The following EXT1 variants were observed in gnomAD, a reference collection of about 807,000 sequenced individuals.
The protein encoded by EXT1 is exostosin glycosyltransferase 1.
Under a neutral mutation model 82.5 loss-of-function variants are expected in EXT1, and 20 were observed. The ratio of observed to expected loss-of-function variants is 0.24; its 90% CI spans 0.17 to 0.35. The LOEUF is 0.35. Ranked by LOEUF, EXT1 falls within the 10% of genes least tolerant of loss-of-function variation. The pLI is 1.00. For synonymous variants in EXT1, 348 were observed against 350.8 expected, an observed-to-expected ratio of 0.99 and a Z score of 0.09; for missense variants, 757 against 936.5, an observed-to-expected ratio of 0.81 and a Z score of 2.50.
chr8:117,848,234 T>C (rs889793381), intron 1 of EXT1, among the ~76,000 whole-genome samples: 1 of 152,152 alleles, frequency 6.6e-6, no homozygotes, highest in African/African-American at 2.4e-5. Flanking sequence ...TGGGTTATGG[T>C]TGAAGATTTG....
At chr8:117,968,228 C>T (rs980965192) in intron 1 of EXT1, among the ~76,000 whole-genome samples, 2 of 152,074 alleles carry the variant, frequency 1.3e-5, no homozygotes, top group Non-Finnish European at 2.9e-5. Flanking sequence ...ACCCCAACCT[C>T]CCCAGTAGCT....
chr8:117,895,994 C>T (rs779758065), intron 1 of EXT1, among the ~76,000 whole-genome samples: 3 of 152,128 alleles, frequency 2.0e-5, no homozygotes, highest in African/African-American at 4.8e-5. Context: ...TACAGATAAA[C>T]GGGCACTTGG....
At chr8:117,869,190 G>A (rs1812827945) in intron 1 of EXT1, among the ~76,000 whole-genome samples, 1 of 152,176 alleles carries the variant, frequency 6.6e-6, no homozygotes, top group African/African-American at 2.4e-5. Flanking sequence ...CAGTGAGCCT[G>A]CCCAAGCCTG....
rs527598610 is a variant in EXT1, at chr8:118,025,254, C to T, written c.962+84831G>A. Among the ~76,000 whole-genome samples the T allele has an allele frequency of 4.6e-5, 7 of 152,308 alleles. 1 individual carries two copies. In the South Asian group the frequency reaches 1.5e-3, roughly 32 times the overall value. On this transcript the variant is annotated intron_variant, in intron 1 of 10. Transcript: ENST00000378204. Reference sequence around the variant, plus strand: ...TCTACAGATGAAGGAACCAGATCCACTCCTGGCTCACCGCTGTGGGCTTCA... The same window carrying T: ...TCTACAGATGAAGGAACCAGATCCATTCCTGGCTCACCGCTGTGGGCTTCA...
At chr8:117,897,152 C>T (rs537961598) in intron 1 of EXT1, among the ~76,000 whole-genome samples, 2 of 152,336 alleles carry the variant, frequency 1.3e-5, no homozygotes, top group African/African-American at 4.8e-5. Flanking sequence ...AATAATTCAA[C>T]CAGAACTAGT....
intron 1 of EXT1, among the ~76,000 whole-genome samples, chr8:117,897,225 G>C (rs1346180925): frequency 1.3e-5 from 2 of 152,196 alleles, no homozygotes; most frequent in East Asian, 1.9e-4. Context: ...GTAGAAATGA[G>C]AAAATTAAAC....
chr8:117,968,855 C>T (rs1814882963), intron 1 of EXT1, among the ~76,000 whole-genome samples: 1 of 64,546 alleles, frequency 1.5e-5, no homozygotes, highest in Non-Finnish European at 2.5e-5. Flanking sequence ...AGGCGTGAGC[C>T]ACTGTGCCCA....
At chr8:117,882,906 G>C (rs1287999581) in intron 1 of EXT1, among the ~76,000 whole-genome samples, 2 of 150,204 alleles carry the variant, frequency 1.3e-5, no homozygotes, top group Non-Finnish European at 2.9e-5. Flanking sequence ...GAACTGGGGA[G>C]ACAGAGATTG....
At chr8:117,832,439 G>A (rs1052353201) in intron 3 of EXT1, among the ~76,000 whole-genome samples, 1 of 151,946 alleles carries the variant, frequency 6.6e-6, no homozygotes, top group Non-Finnish European at 1.5e-5. Flanking sequence ...CAGAAGAATT[G>A]CTTGAACTGG....
At chr8:117,997,245 C>CTATATATA (rs67974546) in intron 1 of EXT1, among the ~76,000 whole-genome samples, 46 of 136,256 alleles carry the variant, frequency 3.4e-4, no homozygotes, top group African/African-American at 1.2e-3. Flanking sequence ...AGTTGTCATA[C>CTATATATA]TATATATATA....
chr8:117,842,692 T>C (rs905179213), intron 1 of EXT1, among the ~76,000 whole-genome samples: 35 of 152,136 alleles, frequency 2.3e-4, no homozygotes, highest in African/African-American at 7.2e-4. Context: ...AAGAGACAAA[T>C]GTGGAACAGA....
chr8:118,041,654 AAGAG>A (rs1347025732), intron 1 of EXT1, among the ~76,000 whole-genome samples: 9 of 128,806 alleles, frequency 7.0e-5, no homozygotes, highest in African/African-American at 1.8e-4. Context: ...AAAAGAAAGA[AAGAG>A]AGAGAAAGAA....
At chr8:117,986,393 T>C (rs1815320521) in intron 1 of EXT1, among the ~76,000 whole-genome samples, 1 of 152,122 alleles carries the variant, frequency 6.6e-6, no homozygotes, top group African/African-American at 2.4e-5. Flanking sequence ...TTTTGACATG[T>C]TGACCAACTG....
chr8:117,895,859 G>A (rs1813326176), intron 1 of EXT1, among the ~76,000 whole-genome samples: 1 of 152,158 alleles, frequency 6.6e-6, no homozygotes. Flanking sequence ...GCCTCCGTTC[G>A]CATCCAAAGT....
chr8:118,030,477 G>GT (rs34590368), intron 1 of EXT1, among the ~76,000 whole-genome samples: 1 of 151,766 alleles, frequency 6.6e-6, no homozygotes, highest in East Asian at 1.9e-4. Flanking sequence ...AAATTAGAGG[G>GT]TTTTTTTTGT....
At chr8:117,903,707 G>A (rs1162280720) in intron 1 of EXT1, among the ~76,000 whole-genome samples, 5 of 152,170 alleles carry the variant, frequency 3.3e-5, no homozygotes. Context: ...ACTTGCCACA[G>A]ACAGTCTTTA....
At chr8:117,952,010 AT>A (rs1814499408) in intron 1 of EXT1, among the ~76,000 whole-genome samples, 2 of 152,208 alleles carry the variant, frequency 1.3e-5, no homozygotes, top group Admixed American at 6.5e-5. Context: ...AATATTAACT[AT>A]TTTGCTGACC....
chr8:117,857,640 C>A (rs894211251), intron 1 of EXT1, among the ~76,000 whole-genome samples: 3 of 151,926 alleles, frequency 2.0e-5, no homozygotes, highest in Non-Finnish European at 4.4e-5. Flanking sequence ...TTTGTGGTTA[C>A]AGTGAGCTAT....
At chr8:118,104,386 A>G (rs1817773162) in intron 1 of EXT1, among the ~76,000 whole-genome samples, 1 of 152,236 alleles carries the variant, frequency 6.6e-6, no homozygotes, top group Non-Finnish European at 1.5e-5. Flanking sequence ...TGAAGCATGT[A>G]CATGTTCCAT....
Sources: allele counts gnomAD v4.1 joint callset (sites outside exome capture counted in the v4.1 genomes callset), GRCh38; gene constraint gnomAD v4.1.1; transcripts MANE v1.5; gene names NCBI Gene and HGNC (gene_info 2026-07-23, HGNC 2026-07-21).